Variants in OCA2 observed in about 807,000 individuals in gnomAD.
OCA2 encodes P protein.
OCA2 carries 77 observed loss-of-function variants against 100.2 expected under a neutral mutation model. That is an observed-to-expected ratio of 0.77 (90% CI 0.64 to 0.93). The LOEUF is 0.93. Ranked by LOEUF, OCA2 falls within the 40% of genes least tolerant of loss-of-function variation. The probability of loss-of-function intolerance (pLI) is 0.00; values close to 1 mark genes in which losing one functional copy is unlikely to be tolerated. For missense variants in OCA2, 1,062 were observed against 1,089.1 expected (o/e 0.98, Z 0.35); for synonymous variants, 432 against 439.2 (o/e 0.98, Z 0.21).
At chr15:27,927,252 G>A (rs911921910) in intron 18 of OCA2, among the ~76,000 whole-genome samples, 8 of 152,160 alleles carry the variant, frequency 5.3e-5, no homozygotes, top group Admixed American at 3.9e-4. Context: ...TCACGCCATT[G>A]CACTCCAGCC....
At chr15:27,834,312 G>T (rs530435207) in intron 23 of OCA2, among the ~76,000 whole-genome samples, 76 of 152,316 alleles carry the variant, frequency 5.0e-4, no homozygotes, top group African/African-American at 1.8e-3. Context: ...GGAGGGTGGT[G>T]CATCTGCACT....
chr15:27,756,211 C>A (rs1349928362), intron 23 of OCA2, among the ~76,000 whole-genome samples: 1 of 152,330 alleles, frequency 6.6e-6, no homozygotes, highest in Non-Finnish European at 1.5e-5. Flanking sequence ...GAAGCCCCTG[C>A]AAATGTTACA....
At chr15:28,056,908 G>A (rs2043718847) in intron 2 of OCA2, among the ~76,000 whole-genome samples, 1 of 152,236 alleles carries the variant, frequency 6.6e-6, no homozygotes, top group South Asian at 2.1e-4. Flanking sequence ...GGTGGCCCCT[G>A]CCCCAGCTGC....
intron 19 of OCA2, among the ~76,000 whole-genome samples, chr15:27,900,410 T>C (rs2037881586): frequency 6.6e-6 from 1 of 152,216 alleles, no homozygotes; most frequent in South Asian, 2.1e-4. Flanking sequence ...TGGTCTTTGT[T>C]GTCTCATCCT....
At position 28,079,390 on chromosome 15, in the gene OCA2, A is replaced by G. The variant is rs891143222; in HGVS notation, c.227+2258T>C. On this transcript the variant is annotated intron_variant, in intron 2 of 23. Coordinates refer to ENST00000354638, the MANE Select transcript of OCA2 (RefSeq NM_000275.3). ...TCAGTAACCTTTAGCCTGAGATGACAGTGCTGGGATACTGTGTACATGGCC... is the reference window on the plus strand; with the variant it reads ...TCAGTAACCTTTAGCCTGAGATGACGGTGCTGGGATACTGTGTACATGGCC... Among the ~76,000 whole-genome samples the G allele has an allele frequency of 5.3e-5, 8 of 151,908 alleles. No homozygotes were observed. The East Asian group carries it at 1.6e-3, about 30-fold the overall frequency.
chr15:27,985,314 G>A (rs368210708), intron 12 of OCA2, 126 bp from the exon 13 acceptor site: 1 of 1,115,136 alleles, frequency 9.0e-7, no homozygotes, highest in East Asian at 2.6e-5. Flanking sequence ...TTAAGACATA[G>A]ACCCACGGAG....
intron 16 of OCA2, among the ~76,000 whole-genome samples, chr15:27,956,308 C>T (rs1169456779): frequency 6.6e-6 from 1 of 152,306 alleles, no homozygotes; most frequent in African/African-American, 2.4e-5. Flanking sequence ...GAGATCATGC[C>T]ACTGCACTCC....
chr15:27,977,843 TGA>T (rs1277291306), intron 14 of OCA2, among the ~76,000 whole-genome samples: 1 of 152,092 alleles, frequency 6.6e-6, no homozygotes, highest in East Asian at 1.9e-4. Flanking sequence ...CCCTGCCACA[TGA>T]GGACACAGTG....
chr15:28,009,794 A>G (rs565463634), intron 9 of OCA2, among the ~76,000 whole-genome samples: 10 of 151,844 alleles, frequency 6.6e-5, no homozygotes, highest in Non-Finnish European at 1.0e-4. Flanking sequence ...TCAAACTGTA[A>G]TTTAGTAATA....
intron 21 of OCA2, 73 bp from the exon 22 acceptor site, chr15:27,851,548 G>A (rs1164463664): frequency 1.7e-6 from 2 of 1,200,968 alleles, no homozygotes; most frequent in African/African-American, 3.0e-5. Flanking sequence ...GACCAATTTA[G>A]AAAATCCAAA....
intron 15 of OCA2, 28 bp downstream of exon 15, chr15:27,966,662 G>A (rs954404821): frequency 1.2e-6 from 2 of 1,612,720 alleles, no homozygotes; most frequent in African/African-American, 1.3e-5. Context: ...TGAAATCTGA[G>A]CCTACATGAG....
At chr15:27,987,561 A>AG (rs1034019490) in intron 11 of OCA2, among the ~76,000 whole-genome samples, 1 of 151,110 alleles carries the variant, frequency 6.6e-6, no homozygotes, top group Non-Finnish European at 1.5e-5. Flanking sequence ...CTACTAAAAA[A>AG]AAAAAAAAAT....
chr15:28,017,898 G>A (rs544214926), intron 7 of OCA2, among the ~76,000 whole-genome samples: 27 of 152,240 alleles, frequency 1.8e-4, no homozygotes, highest in African/African-American at 5.5e-4. Flanking sequence ...GACAGCCACC[G>A]CTTCCTGGCT....
At chr15:28,099,056 G>T in intron 1 of OCA2, 168 bp downstream of exon 1, 1 of 155,194 alleles carries the variant, frequency 6.4e-6, no homozygotes, top group Non-Finnish European at 1.4e-5. Flanking sequence ...ACTCAGCCGC[G>T]CTAGGTCGGC....
At chr15:27,859,069 A>G (rs2036040266) in intron 21 of OCA2, among the ~76,000 whole-genome samples, 1 of 152,104 alleles carries the variant, frequency 6.6e-6, no homozygotes, top group Non-Finnish European at 1.5e-5. Flanking sequence ...TATATTATAA[A>G]AGAAGAAATA....
the OCA2 span, among the ~76,000 whole-genome samples, chr15:27,720,329 C>T: frequency 0.012 from 1,736 of 150,900 alleles, 25 homozygotes; most frequent in African/African-American, 0.041. Flanking sequence ...ACTTAGCAAT[C>T]GGGGGAGAAA....
intron 6 of OCA2, among the ~76,000 whole-genome samples, chr15:28,021,773 C>T (rs527544090): frequency 2.2e-4 from 33 of 152,190 alleles, no homozygotes; most frequent in African/African-American, 6.7e-4. Flanking sequence ...AGCCAGAGGG[C>T]GCAGTGGGAA....
chr15:27,949,357 G>C (rs2039955855), intron 18 of OCA2, among the ~76,000 whole-genome samples: 1 of 152,134 alleles, frequency 6.6e-6, no homozygotes, highest in Admixed American at 6.5e-5. Flanking sequence ...TTACACAGCA[G>C]GACACATTGA....
intron 23 of OCA2, among the ~76,000 whole-genome samples, chr15:27,832,136 C>G (rs1330571835): frequency 1.3e-5 from 2 of 152,192 alleles, no homozygotes; most frequent in Admixed American, 1.3e-4. Context: ...CTGCATTTCT[C>G]CTCTAAACTG....
Sources: allele counts gnomAD v4.1 joint callset (sites outside exome capture counted in the v4.1 genomes callset), GRCh38; gene constraint gnomAD v4.1.1; transcripts MANE v1.5; gene names NCBI Gene and HGNC (gene_info 2026-07-23, HGNC 2026-07-21).